The following CLYBL variants were observed in gnomAD, a reference collection of about 807,000 sequenced individuals.
CLYBL encodes citramalyl-CoA lyase.
A neutral mutation model predicts 38.9 loss-of-function variants in CLYBL; 31 were observed. The ratio of observed to expected loss-of-function variants is 0.80; its 90% confidence interval spans 0.60 to 1.08. The LOEUF (loss-of-function observed/expected upper bound fraction) is 1.08, where lower values mean the gene tolerates loss of function less well. CLYBL is among the 50% of genes least tolerant of loss of function. CLYBL has a pLI of 0.00. For synonymous variants in CLYBL, 171 were observed against 158.6 expected (o/e 1.08, Z -0.59); for missense variants, 434 against 411.6 (o/e 1.05, Z -0.47).
intron 6 of CLYBL, among the ~76,000 whole-genome samples, chr13:99,868,136 A>G (rs1261047747): frequency 6.6e-6 from 1 of 152,206 alleles, no homozygotes; most frequent in South Asian, 2.1e-4. Context: ...CAGAGGGCAC[A>G]GTGCCCATTA....
chr13:99,878,984 G>A (rs1226513343), intron 7 of CLYBL, among the ~76,000 whole-genome samples: 7 of 152,166 alleles, frequency 4.6e-5, no homozygotes, highest in African/African-American at 1.2e-4. Context: ...GCTCTGGTCC[G>A]TGGAGACCCA....
rs148294374 is a variant in CLYBL at position 99,852,323 on chromosome 13, C to G, written c.250-6538C>G. ...GTGCAATCACAGCTTACTGTAGCCT[C>G]AAACTCCTGGGCTCAAGTGATCCTC... On this transcript the variant is annotated intron_variant, in intron 2 of 8. Coordinates refer to ENST00000339105, the MANE Select transcript of CLYBL (RefSeq NM_206808.5). Among the ~76,000 whole-genome samples the G allele has an allele frequency of 1.5e-3, 227 of 152,290 alleles. 3 individuals carry two copies. Among genetic ancestry groups the G allele is most frequent in the Admixed American group, 0.013 (196 of 15,292 alleles).
At chr13:99,629,977 C>T (rs773464806) in intron 1 of CLYBL, among the ~76,000 whole-genome samples, 30 of 152,136 alleles carry the variant, frequency 2.0e-4, no homozygotes, top group Non-Finnish European at 2.5e-4. Context: ...AGGTACAGGG[C>T]CTTCAGTTGT....
intron 2 of CLYBL, among the ~76,000 whole-genome samples, chr13:99,776,586 T>C (rs1286136347): frequency 6.6e-6 from 1 of 151,808 alleles, no homozygotes; most frequent in Non-Finnish European, 1.5e-5. Context: ...CCCTAGCCTG[T>C]CAAGGTCTTT....
At chr13:99,833,122 A>G (rs535798973) in intron 2 of CLYBL, among the ~76,000 whole-genome samples, 167 of 139,178 alleles carry the variant, frequency 1.2e-3, no homozygotes, top group African/African-American at 4.5e-3. Context: ...GCTCACTGCA[A>G]CCTCCACCTC....
chr13:99,668,287 C>A (rs1308454070), intron 1 of CLYBL, among the ~76,000 whole-genome samples: 2 of 114,612 alleles, frequency 1.7e-5, no homozygotes, highest in African/African-American at 6.6e-5. Context: ...AAAAAAAAAT[C>A]TTTAATAGAA....
intron 1 of CLYBL, among the ~76,000 whole-genome samples, chr13:99,748,429 G>GT (rs1165919560): frequency 0.029 from 2,563 of 87,600 alleles, 497 homozygotes; most frequent in African/African-American, 0.082. Flanking sequence ...CTAGTTTTGT[G>GT]TTTTTTTTTT....
At chr13:99,745,682 TATC>T (rs1216397429) in intron 1 of CLYBL, among the ~76,000 whole-genome samples, 1 of 152,220 alleles carries the variant, frequency 6.6e-6, no homozygotes, top group Admixed American at 6.5e-5. Flanking sequence ...ATCTTAATCT[TATC>T]ATGGGTCCTA....
At chr13:99,768,543 A>C (rs570732924) in intron 1 of CLYBL, among the ~76,000 whole-genome samples, 63 of 90,784 alleles carry the variant, frequency 6.9e-4, no homozygotes, top group African/African-American at 2.3e-3. Context: ...ACAGAATCTC[A>C]CTGTGTCACC....
At chr13:99,904,239 G>A (rs185189397) in intron 8 of CLYBL, among the ~76,000 whole-genome samples, 1 of 152,256 alleles carries the variant, frequency 6.6e-6, no homozygotes. Context: ...TCAGACTCTA[G>A]TCTAACCCCT....
At chr13:99,610,148 T>C (rs551554899) in intron 1 of CLYBL, among the ~76,000 whole-genome samples, 3 of 152,334 alleles carry the variant, frequency 2.0e-5, no homozygotes, top group Non-Finnish European at 4.4e-5. Context: ...AATGATTTTC[T>C]TGCCTTGGCC....
chr13:99,824,944 C>T (rs1406335883), intron 2 of CLYBL, among the ~76,000 whole-genome samples: 1 of 145,152 alleles, frequency 6.9e-6, no homozygotes, highest in Non-Finnish European at 1.5e-5. Flanking sequence ...TTCTCACCCC[C>T]TGCCCCCCAC....
rs199629092 is a variant in CLYBL at position 99,853,010 on chromosome 13, CTT to C, written c.250-5849_250-5848del. Among the ~76,000 whole-genome samples the C allele has an allele frequency of 8.5e-5, 13 of 152,302 alleles. No homozygotes were observed. The East Asian group carries it at 2.1e-3, about 25-fold the overall frequency. ...GAGTTCAATATTTGTTTACAGTTCT[CTT>C]TGTGTTTTTGAGGTGAAATTTATAT... On this transcript the variant is annotated intron_variant, in intron 2 of 8. Coordinates refer to ENST00000339105, the MANE Select transcript of CLYBL (RefSeq NM_206808.5).
intron 1 of CLYBL, among the ~76,000 whole-genome samples, chr13:99,684,169 C>A (rs143849541): frequency 6.7e-6 from 1 of 149,080 alleles, no homozygotes; most frequent in East Asian, 2.0e-4. Flanking sequence ...TGTGAGCCAC[C>A]GGGCCTGGCA....
At chr13:99,892,012 A>T (rs1211532742) in intron 8 of CLYBL, 1 of 152,222 alleles carries the variant, frequency 6.6e-6, no homozygotes, top group Non-Finnish European at 1.5e-5. Flanking sequence ...CCCTAAAACG[A>T]AACATCCATC....
intron 1 of CLYBL, among the ~76,000 whole-genome samples, chr13:99,751,280 G>C (rs1024626983): frequency 2.6e-5 from 4 of 151,912 alleles, no homozygotes; most frequent in Admixed American, 6.6e-5. Flanking sequence ...GAGTGTAATG[G>C]TGTGATCCCG....
chr13:99,762,999 T>A (rs1329110997), intron 1 of CLYBL, among the ~76,000 whole-genome samples: 2 of 152,242 alleles, frequency 1.3e-5, no homozygotes, highest in Non-Finnish European at 2.9e-5. Flanking sequence ...TAAATGCTGC[T>A]GATTTCTGTA....
chr13:99,638,324 T>C (rs1415889171), intron 1 of CLYBL, among the ~76,000 whole-genome samples: 1 of 152,238 alleles, frequency 6.6e-6, no homozygotes, highest in African/African-American at 2.4e-5. Flanking sequence ...AGTAATTCTC[T>C]TTGCATTTCT....
At chr13:99,719,778 G>A (rs2048368935) in intron 1 of CLYBL, among the ~76,000 whole-genome samples, 1 of 152,144 alleles carries the variant, frequency 6.6e-6, no homozygotes, top group South Asian at 2.1e-4. Context: ...AAAGTGCTGG[G>A]ATTACAGGCA....
Sources: allele counts gnomAD v4.1 joint callset (sites outside exome capture counted in the v4.1 genomes callset), GRCh38; gene constraint gnomAD v4.1.1; transcripts MANE v1.5; gene names NCBI Gene and HGNC (gene_info 2026-07-23, HGNC 2026-07-21).